RANBP17: variants seen among roughly 807,000 people sequenced by gnomAD.
RANBP17 encodes the protein RAN binding protein 17.
Under a neutral mutation model 141.2 loss-of-function variants are expected in RANBP17, and 158 were observed. The ratio of observed to expected loss-of-function variants is 1.12; its 90% CI spans 0.98 to 1.28. The LOEUF (loss-of-function observed/expected upper bound fraction) is 1.28. Ranked by LOEUF, RANBP17 falls within the 50% of genes most tolerant of loss-of-function variation. RANBP17 has a pLI of 0.00. For missense variants in RANBP17, 1,438 were observed against 1,290.7 expected, an observed-to-expected ratio of 1.11 and a Z score of -1.75; for synonymous variants, 430 against 450.0, an observed-to-expected ratio of 0.96 and a Z score of 0.56.
rs193053726 is a variant in RANBP17, at chr5:170,991,898, C to A, written c.1710+23521C>A. On this transcript the variant is annotated intron_variant, in intron 14 of 27. Transcript: ENST00000523189. ...GAATTATGTGTAATCTTTAGAACAT[C>A]TAATGTAATTCTAAATTTGTGTTGG... Among the ~76,000 whole-genome samples, 142 of 152,020 alleles carry A rather than the reference C, an allele frequency of 9.3e-4. 1 individual carries two copies. The highest frequency in any genetic ancestry group is 1.8e-3 in the Non-Finnish European group (123 of 67,928).
chr5:171,047,014 CTTT>C lies in RANBP17; in HGVS notation c.1710+78655_1710+78657del, dbSNP rs35304788. Among the ~76,000 whole-genome samples, 349 of 97,768 alleles carry C rather than the reference CTTT, an allele frequency of 3.6e-3. 1 individual carries two copies. The highest frequency in any genetic ancestry group is 0.013 in the African/African-American group (340 of 25,674). 64.1% of individuals were successfully genotyped at this position (97,768 alleles called of 152,430 possible). ...GCATCTCATTGTAGTTTTATTTTGCCTTTTTTTTTTTTTTTTTTTTGAGATGGA... is the reference window on the plus strand; with the variant it reads ...GCATCTCATTGTAGTTTTATTTTGCCTTTTTTTTTTTTTTTTTGAGATGGA... On this transcript the variant is annotated intron_variant, in intron 14 of 27. Coordinates refer to ENST00000523189, the MANE Select transcript of RANBP17 (RefSeq NM_022897.5).
intron 14 of RANBP17, among the ~76,000 whole-genome samples, chr5:171,065,460 TG>T (rs1784253377): frequency 6.6e-6 from 1 of 152,126 alleles, no homozygotes; most frequent in Non-Finnish European, 1.5e-5. Context: ...GCTGCTGACC[TG>T]AGAGGAGACG....
In RANBP17 at chr5:171,090,025, G is replaced by A. The variant is rs115237843; in HGVS notation, c.1711-80105G>A. On this transcript the variant is annotated intron_variant, in intron 14 of 27. Transcript: ENST00000523189. The stretch of plus-strand genomic sequence containing the variant: ...GAAAATGGACCAGTATAGTAAATGG[G>A]TACCAGGAGAGTGGGGCACTGCTGA... Among the ~76,000 whole-genome samples, 463 of 152,314 alleles carry A rather than the reference G, an allele frequency of 3.0e-3. 2 individuals are homozygous for A. The highest frequency in any genetic ancestry group is 5.0e-3 in the Non-Finnish European group (339 of 68,028).
At chr5:171,039,235 T>C (rs1247143235) in intron 14 of RANBP17, among the ~76,000 whole-genome samples, 3 of 135,424 alleles carry the variant, frequency 2.2e-5, no homozygotes, top group African/African-American at 7.8e-5. Flanking sequence ...CTTGCTAGCT[T>C]CTGTTGTTGG....
intron 14 of RANBP17, among the ~76,000 whole-genome samples, chr5:171,160,192 T>C (rs1759238547): frequency 6.6e-6 from 1 of 152,056 alleles, no homozygotes; most frequent in African/African-American, 2.4e-5. Flanking sequence ...GTTTTTCTCC[T>C]GACTTTTTTT....
intron 13 of RANBP17, among the ~76,000 whole-genome samples, chr5:170,964,283 G>T (rs2127520968): frequency 6.6e-6 from 1 of 152,252 alleles, no homozygotes; most frequent in Admixed American, 6.5e-5. Context: ...ATTGTTAATT[G>T]CAGCATTTTG....
At chr5:170,906,965 A>G (rs1373003080) in intron 5 of RANBP17, among the ~76,000 whole-genome samples, 2 of 151,992 alleles carry the variant, frequency 1.3e-5, no homozygotes, top group Admixed American at 1.3e-4. Context: ...CAGTTCATTC[A>G]GCCTAATTTT....
At chr5:171,261,866 A>G (rs1766354127) in intron 24 of RANBP17, among the ~76,000 whole-genome samples, 1 of 152,232 alleles carries the variant, frequency 6.6e-6, no homozygotes, top group Non-Finnish European at 1.5e-5. Context: ...TAGTTAACAC[A>G]TAGTCTTCAG....
chr5:171,125,397 TAAA>T (rs200607180), intron 14 of RANBP17, among the ~76,000 whole-genome samples: 1 of 80,472 alleles, frequency 1.2e-5, no homozygotes. Context: ...AAACAAAGGG[TAAA>T]AAAAAAAAAA....
intron 5 of RANBP17, among the ~76,000 whole-genome samples, chr5:170,897,695 A>T (rs1770255589): frequency 6.6e-6 from 1 of 152,102 alleles, no homozygotes; most frequent in Non-Finnish European, 1.5e-5. Context: ...TTTGCTGAGA[A>T]TGATGTTTCC....
chr5:171,123,840 C>A (rs1756225512), intron 14 of RANBP17, among the ~76,000 whole-genome samples: 1 of 152,226 alleles, frequency 6.6e-6, no homozygotes, highest in Non-Finnish European at 1.5e-5. Context: ...TCCCCAGAAT[C>A]AAAAGCCAAA....
chr5:171,042,112 A>G (rs903590173), intron 14 of RANBP17, among the ~76,000 whole-genome samples: 2 of 152,102 alleles, frequency 1.3e-5, no homozygotes, highest in African/African-American at 2.4e-5. Flanking sequence ...TATGATATAT[A>G]TGTACCACAT....
In RANBP17 at chr5:171,038,946, A is replaced by G. The variant is rs570482548; in HGVS notation, c.1710+70569A>G. ...CTTTTTTCATTGTGTCTTTGCCAGGATGTACCACATTTTCTTTATCCATTC... is the reference window on the plus strand; with the variant it reads ...CTTTTTTCATTGTGTCTTTGCCAGGGTGTACCACATTTTCTTTATCCATTC... On this transcript the variant is annotated intron_variant, in intron 14 of 27. Coordinates refer to ENST00000523189, the MANE Select transcript of RANBP17 (RefSeq NM_022897.5). Among the ~76,000 whole-genome samples the G allele has an allele frequency of 2.6e-5, 4 of 151,984 alleles. No individual in the cohort carries two copies. In the South Asian group the frequency reaches 8.3e-4, roughly 32 times the overall value.
At chr5:171,056,388 A>C (rs1396571992) in intron 14 of RANBP17, among the ~76,000 whole-genome samples, 1 of 152,200 alleles carries the variant, frequency 6.6e-6, no homozygotes, top group Non-Finnish European at 1.5e-5. Flanking sequence ...AACATGTCTT[A>C]GGGCAGCCAC....
intron 14 of RANBP17, among the ~76,000 whole-genome samples, chr5:171,041,066 C>T (rs1337827044): frequency 6.6e-6 from 1 of 152,054 alleles, no homozygotes; most frequent in Non-Finnish European, 1.5e-5. Context: ...CAGAAGGCCT[C>T]ATCAGTTCTA....
intron 16 of RANBP17, among the ~76,000 whole-genome samples, chr5:171,173,362 A>G (rs1000556831): frequency 1.3e-5 from 2 of 152,078 alleles, no homozygotes; most frequent in Non-Finnish European, 2.9e-5. Flanking sequence ...ACCATCACCT[A>G]TAGGCCCTTG....
At chr5:171,081,246 C>A (rs528316609) in intron 14 of RANBP17, among the ~76,000 whole-genome samples, 1 of 152,120 alleles carries the variant, frequency 6.6e-6, no homozygotes, top group African/African-American at 2.4e-5. Flanking sequence ...CTCCTTTTCC[C>A]CCTAGTCAGT....
At chr5:171,137,592 GTGTGTGTGTGTGTC>G (rs965405401) in intron 14 of RANBP17, among the ~76,000 whole-genome samples, 12 of 143,714 alleles carry the variant, frequency 8.3e-5, no homozygotes, top group African/African-American at 3.1e-4. Context: ...GTGTGTGTGT[GTGTGTGTGTGTGTC>G]TGTGTGTGTG....
intron 14 of RANBP17, among the ~76,000 whole-genome samples, chr5:170,972,178 T>G (rs1777036359): frequency 4.6e-5 from 1 of 21,680 alleles, no homozygotes; most frequent in Non-Finnish European, 1.5e-4. Context: ...CTTTAGGATT[T>G]TTTTTTTTTT....
Sources: gnomAD v4.1 joint callset for allele counts (sites outside exome capture counted in the v4.1 genomes callset) on GRCh38, gnomAD v4.1.1 for gene constraint, MANE v1.5 for transcripts, NCBI Gene and HGNC (gene_info 2026-07-23, HGNC 2026-07-21) for gene names.